The following PAM variants were observed in gnomAD, a reference collection of about 807,000 sequenced individuals.
PAM encodes peptidyl-glycine alpha-amidating monooxygenase.
In PAM, 72 loss-of-function variants were observed where a neutral mutation model predicts 122.1. The observed-to-expected ratio is 0.59, with a 90% CI of 0.49 to 0.72. The LOEUF (loss-of-function observed/expected upper bound fraction) is 0.72. Ranked by LOEUF, PAM falls within the 30% of genes least tolerant of loss-of-function variation. The pLI is 0.00. For missense variants in PAM, 1,106 were observed against 1,183.7 expected (o/e 0.93, Z 0.96); for synonymous variants, 389 against 404.4 (o/e 0.96, Z 0.46).
intron 3 of PAM, among the ~76,000 whole-genome samples, chr5:102,868,822 T>G (rs1716314815): frequency 6.6e-6 from 1 of 152,206 alleles, no homozygotes; most frequent in African/African-American, 2.4e-5. Context: ...AACATTTAAA[T>G]TACTTAACAA....
chr5:102,944,102 G>T (rs1263943335), intron 7 of PAM, among the ~76,000 whole-genome samples: 1 of 151,998 alleles, frequency 6.6e-6, no homozygotes, highest in South Asian at 2.1e-4. Context: ...CTTTTCCACT[G>T]TAAATGTCCT....
rs111406245 is a variant in PAM, at chr5:102,968,836, A to G, written c.1163-5280A>G. Among the ~76,000 whole-genome samples, 925 of 152,256 alleles carry G rather than the reference A, an allele frequency of 6.1e-3. 6 individuals carry two copies. The highest frequency in any genetic ancestry group is 0.021 in the African/African-American group (884 of 41,552). On this transcript the variant is annotated intron_variant, in intron 14 of 25. Coordinates refer to ENST00000438793, the MANE Select transcript of PAM (RefSeq NM_001177306.2). ...TCCCAATAGCGAAGACTTGGAACCA[A>G]CCCAAATGCCCATCAATGCTGCACT...
intron 1 of PAM, among the ~76,000 whole-genome samples, chr5:102,840,373 A>G (rs967128485): frequency 2.0e-5 from 3 of 152,166 alleles, no homozygotes; most frequent in Non-Finnish European, 4.4e-5. Flanking sequence ...TGTGACAAAA[A>G]TTCATCAATT....
chr5:102,783,658 T>C (rs1759654081), intron 1 of PAM, among the ~76,000 whole-genome samples: 1 of 152,220 alleles, frequency 6.6e-6, no homozygotes, highest in South Asian at 2.1e-4. Context: ...TAATTCTCTT[T>C]AAACTACCTC....
At chr5:102,799,082 A>C (rs186459036) in intron 1 of PAM, among the ~76,000 whole-genome samples, 10 of 152,346 alleles carry the variant, frequency 6.6e-5, no homozygotes, top group East Asian at 1.9e-4. Flanking sequence ...GAAACCATCA[A>C]CTGAAGAATA....
chr5:102,775,825 G>A (rs1264702185), intron 1 of PAM, among the ~76,000 whole-genome samples: 1 of 152,078 alleles, frequency 6.6e-6, no homozygotes, highest in African/African-American at 2.4e-5. Flanking sequence ...CTTTATAATA[G>A]AATGATTTTT....
intron 1 of PAM, among the ~76,000 whole-genome samples, chr5:102,857,657 C>T (rs1782999002): frequency 6.6e-6 from 1 of 152,126 alleles, no homozygotes; most frequent in Non-Finnish European, 1.5e-5. Context: ...TGGCTGGGTA[C>T]CATGGGCATG....
intron 1 of PAM, among the ~76,000 whole-genome samples, chr5:102,833,674 G>GA (rs1239937191): frequency 3.9e-5 from 6 of 152,052 alleles, no homozygotes; most frequent in African/African-American, 7.2e-5. Flanking sequence ...TAATTTCTTA[G>GA]AAAAAATCAG....
intron 1 of PAM, among the ~76,000 whole-genome samples, chr5:102,777,539 A>C (rs770813658): frequency 1.2e-4 from 19 of 152,148 alleles, no homozygotes; most frequent in Non-Finnish European, 2.2e-4. Context: ...TTTCTGGAAA[A>C]AAAAGACCTA....
At chr5:102,986,393 G>T (rs1771836342) in intron 15 of PAM, among the ~76,000 whole-genome samples, 1 of 152,048 alleles carries the variant, frequency 6.6e-6, no homozygotes, top group Non-Finnish European at 1.5e-5. Flanking sequence ...AAAGTTTCAA[G>T]ACACAAAATC....
intron 1 of PAM, among the ~76,000 whole-genome samples, chr5:102,811,192 A>G (rs1278132352): frequency 6.6e-6 from 1 of 152,252 alleles, no homozygotes; most frequent in Non-Finnish European, 1.5e-5. Flanking sequence ...ATTGCCACCA[A>G]CTTGGTGGCT....
chr5:102,832,685 C>T (rs1775815596), intron 1 of PAM, among the ~76,000 whole-genome samples: 2 of 152,074 alleles, frequency 1.3e-5, no homozygotes, highest in African/African-American at 4.8e-5. Context: ...GACTGCTGTA[C>T]TGCCCTTTAT....
intron 21 of PAM, among the ~76,000 whole-genome samples, chr5:103,014,219 T>C (rs1234490363): frequency 6.6e-6 from 1 of 152,184 alleles, no homozygotes; most frequent in African/African-American, 2.4e-5. Context: ...AATATGCATC[T>C]AGAAATAAAA....
At chr5:102,801,831 T>A (rs905039794) in intron 1 of PAM, among the ~76,000 whole-genome samples, 1 of 138,136 alleles carries the variant, frequency 7.2e-6, no homozygotes, top group East Asian at 2.2e-4. Context: ...CAGGCTGGAG[T>A]GCAGTGGCGC....
At chr5:102,808,057 A>C (rs1053353532) in intron 1 of PAM, 6 of 152,162 alleles carry the variant, frequency 3.9e-5, no homozygotes, top group Non-Finnish European at 8.8e-5. Context: ...TCTGTCTCCC[A>C]GCACATTGCT....
intron 14 of PAM, among the ~76,000 whole-genome samples, chr5:102,971,152 G>T (rs2217251): frequency 1.5e-5 from 1 of 64,992 alleles, no homozygotes; most frequent in Non-Finnish European, 3.3e-5. Flanking sequence ...ATGTTTGACT[G>T]GAAAAAGGAG....
chr5:102,987,726 C>T (rs567492897), intron 15 of PAM, among the ~76,000 whole-genome samples: 1 of 152,226 alleles, frequency 6.6e-6, no homozygotes, highest in South Asian at 2.1e-4. Flanking sequence ...CAATTGTTCT[C>T]CCTTTTGTGA....
chr5:102,931,301 G>T (rs937834257), intron 7 of PAM, among the ~76,000 whole-genome samples: 1 of 152,116 alleles, frequency 6.6e-6, no homozygotes, highest in Non-Finnish European at 1.5e-5. Context: ...GCTGTGTTTC[G>T]TGTTCTCCAC....
chr5:102,802,722 C>T (rs1303479084), intron 1 of PAM, among the ~76,000 whole-genome samples: 1 of 152,114 alleles, frequency 6.6e-6, no homozygotes, highest in Admixed American at 6.5e-5. Context: ...CAGATGAAGC[C>T]TCTCAAAGAA....
Sources: gnomAD v4.1 joint callset for allele counts (sites outside exome capture counted in the v4.1 genomes callset) on GRCh38, gnomAD v4.1.1 for gene constraint, MANE v1.5 for transcripts, NCBI Gene and HGNC (gene_info 2026-07-23, HGNC 2026-07-21) for gene names.